The following CNTN5 variants were observed in gnomAD, a reference collection of about 807,000 sequenced individuals.
CNTN5 encodes the protein contactin-5.
A neutral mutation model predicts 129.1 loss-of-function variants in CNTN5; 77 were observed. That is an observed-to-expected ratio of 0.60 (90% CI 0.50 to 0.72). CNTN5 has a LOEUF of 0.72. Among genes scored for constraint, CNTN5 ranks in the 30% least tolerant of loss-of-function variants. The pLI is 0.00. For missense variants in CNTN5, 1,478 were observed against 1,328.8 expected (o/e 1.11, Z -1.75); for synonymous variants, 509 against 465.6 (o/e 1.09, Z -1.20).
chr11:99,287,068 G>A (rs1863970762), intron 1 of CNTN5, among the ~76,000 whole-genome samples: 1 of 152,098 alleles, frequency 6.6e-6, no homozygotes, highest in Non-Finnish European at 1.5e-5. Context: ...CATGATAACT[G>A]CCTTTCAATA....
chr11:99,441,455 T>C (rs1943824638), intron 2 of CNTN5, among the ~76,000 whole-genome samples: 1 of 152,166 alleles, frequency 6.6e-6, no homozygotes, highest in Admixed American at 6.5e-5. Context: ...GTTAATATAC[T>C]AGCATCTAAA....
intron 13 of CNTN5, among the ~76,000 whole-genome samples, chr11:100,108,657 T>C (rs1945539166): frequency 6.6e-6 from 1 of 152,162 alleles, no homozygotes; most frequent in Admixed American, 6.5e-5. Flanking sequence ...CATGCCCTCA[T>C]TGATGCTGCC....
chr11:99,303,618 C>T (rs540492177), intron 1 of CNTN5, among the ~76,000 whole-genome samples: 1 of 151,508 alleles, frequency 6.6e-6, no homozygotes, highest in South Asian at 2.1e-4. Context: ...ACTGGCTGTA[C>T]CCTCTGCTTT....
At chr11:99,644,371 T>G (rs1228030105) in intron 3 of CNTN5, among the ~76,000 whole-genome samples, 2 of 152,196 alleles carry the variant, frequency 1.3e-5, no homozygotes, top group African/African-American at 4.8e-5. Flanking sequence ...TGTACTGTCC[T>G]TGAAATGTGG....
At chr11:100,156,757 T>G (rs1947256850) in intron 13 of CNTN5, among the ~76,000 whole-genome samples, 1 of 152,070 alleles carries the variant, frequency 6.6e-6, no homozygotes, top group South Asian at 2.1e-4. Flanking sequence ...ATTTCTTATT[T>G]CTTCTAGATT....
At chr11:99,878,725 G>A (rs552597359) in intron 6 of CNTN5, among the ~76,000 whole-genome samples, 1 of 151,870 alleles carries the variant, frequency 6.6e-6, no homozygotes, top group Non-Finnish European at 1.5e-5. Context: ...GCGTGGTGGC[G>A]CGTGCCTGTA....
At chr11:100,066,844 A>G (rs902541212) in intron 10 of CNTN5, among the ~76,000 whole-genome samples, 1 of 151,722 alleles carries the variant, frequency 6.6e-6, no homozygotes, top group Non-Finnish European at 1.5e-5. Flanking sequence ...AAAAAAAAAA[A>G]AAAAAAGTTT....
chr11:99,387,990 T>G (rs908362875), intron 2 of CNTN5, among the ~76,000 whole-genome samples: 2 of 152,162 alleles, frequency 1.3e-5, no homozygotes, highest in Non-Finnish European at 2.9e-5. Flanking sequence ...TTGATTCCAG[T>G]GTGCAGCCAG....
At chr11:99,708,688 G>A (rs1954851469) in intron 3 of CNTN5, among the ~76,000 whole-genome samples, 1 of 151,484 alleles carries the variant, frequency 6.6e-6, no homozygotes, top group Non-Finnish European at 1.5e-5. Context: ...CTCACTGTGG[G>A]GTGAATGCAT....
chr11:99,144,712 C>T (rs1350221905), intron 1 of CNTN5, among the ~76,000 whole-genome samples: 1 of 151,734 alleles, frequency 6.6e-6, no homozygotes, highest in African/African-American at 2.4e-5. Context: ...ATTGTTGAAG[C>T]TTATTATATT....
At chr11:99,239,932 G>A (rs1281127344) in intron 1 of CNTN5, among the ~76,000 whole-genome samples, 6 of 111,462 alleles carry the variant, frequency 5.4e-5, no homozygotes, top group Admixed American at 2.9e-4. Context: ...GCGAGACTCC[G>A]TCTCAAAAAA....
At chr11:99,419,412 C>A (rs2135046477) in intron 2 of CNTN5, among the ~76,000 whole-genome samples, 1 of 152,254 alleles carries the variant, frequency 6.6e-6, no homozygotes, top group Non-Finnish European at 1.5e-5. Flanking sequence ...ATTTGTCTTA[C>A]AAATTATTGT....
chr11:99,195,791 A>G (rs944890698), intron 1 of CNTN5, among the ~76,000 whole-genome samples: 14 of 152,066 alleles, frequency 9.2e-5, no homozygotes, highest in Non-Finnish European at 8.8e-5. Context: ...GCAGTATTCT[A>G]TATTTATATC....
intron 1 of CNTN5, among the ~76,000 whole-genome samples, chr11:99,167,752 T>A (rs750908700): frequency 2.4e-4 from 37 of 152,280 alleles, no homozygotes; most frequent in Non-Finnish European, 4.0e-4. Context: ...CTTTAATATA[T>A]CAAGATCTAA....
At position 100,234,405 on chromosome 11, in the gene CNTN5, C is replaced by T. The variant is rs774695741; in HGVS notation, c.2005+9593C>T. On this transcript the variant is annotated intron_variant, in intron 16 of 24. Coordinates refer to ENST00000524871, the MANE Select transcript of CNTN5 (RefSeq NM_014361.4). The stretch of plus-strand genomic sequence containing the variant: ...ACTTGGAACCAACCCAAATGCCCAT[C>T]GATGATAGACTTGATAAAGAAAATG... Among the ~76,000 whole-genome samples, 32 of 151,976 alleles carry T rather than the reference C, an allele frequency of 2.1e-4. 1 individual carries two copies. The highest frequency in any genetic ancestry group is 6.8e-4 in the African/African-American group (28 of 41,344).
At chr11:100,146,189 G>A (rs987205626) in intron 13 of CNTN5, among the ~76,000 whole-genome samples, 4 of 151,974 alleles carry the variant, frequency 2.6e-5, no homozygotes, top group African/African-American at 7.2e-5. Flanking sequence ...TTGAATTCAG[G>A]GTTTGATTAA....
At chr11:99,367,182 G>A (rs567620710) in intron 2 of CNTN5, among the ~76,000 whole-genome samples, 101 of 152,190 alleles carry the variant, frequency 6.6e-4, no homozygotes, top group African/African-American at 2.4e-3. Flanking sequence ...TAATGTAGTT[G>A]CTGTTTTACA....
chr11:100,133,407 C>G (rs1946432643), intron 13 of CNTN5, among the ~76,000 whole-genome samples: 2 of 152,196 alleles, frequency 1.3e-5, no homozygotes, highest in African/African-American at 4.8e-5. Context: ...TTTTTGTTCT[C>G]TTGAAAGTAT....
chr11:99,832,771 G>A (rs912692398), intron 4 of CNTN5, among the ~76,000 whole-genome samples: 1 of 151,966 alleles, frequency 6.6e-6, no homozygotes, highest in Non-Finnish European at 1.5e-5. Context: ...CATTAAAATG[G>A]CATTTCTTAA....
Sources: gnomAD v4.1 joint callset for allele counts (sites outside exome capture counted in the v4.1 genomes callset) on GRCh38, gnomAD v4.1.1 for gene constraint, MANE v1.5 for transcripts, NCBI Gene and HGNC (gene_info 2026-07-23, HGNC 2026-07-21) for gene names.